The following TBC1D30 variants were observed in gnomAD, a reference collection of about 807,000 sequenced individuals.
TBC1D30 encodes TBC1 domain family, member 30.
TBC1D30 carries 31 observed loss-of-function variants against 63.2 expected under a neutral mutation model. That is an observed-to-expected ratio of 0.49 (90% CI 0.37 to 0.66). The LOEUF (loss-of-function observed/expected upper bound fraction) is 0.66. TBC1D30 is among the 30% of genes least tolerant of loss of function. The probability of loss-of-function intolerance (pLI) is 0.00; values close to 1 mark genes in which losing one functional copy is unlikely to be tolerated. For missense variants in TBC1D30, 810 were observed against 953.6 expected, an observed-to-expected ratio of 0.85 and a Z score of 1.98; for synonymous variants, 307 against 361.5, an observed-to-expected ratio of 0.85 and a Z score of 1.71.
chr12:64,826,372 C>T (rs1592597937), intron 1 of TBC1D30, among the ~76,000 whole-genome samples: 1 of 152,282 alleles, frequency 6.6e-6, no homozygotes, highest in South Asian at 2.1e-4. Flanking sequence ...GCAGGTGCCC[C>T]GGAAAAGTCA....
intron 8 of TBC1D30, among the ~76,000 whole-genome samples, chr12:64,860,036 A>G (rs866458823): frequency 1.4e-5 from 2 of 142,340 alleles, no homozygotes; most frequent in Non-Finnish European, 3.0e-5. Context: ...TTTTTTTTTT[A>G]AAACATGGTC....
intron 1 of TBC1D30, among the ~76,000 whole-genome samples, chr12:64,826,532 A>C (rs905781756): frequency 6.6e-6 from 1 of 151,824 alleles, no homozygotes; most frequent in African/African-American, 2.4e-5. Flanking sequence ...CAGCAACCTC[A>C]CTTGTTTTCA....
intron 1 of TBC1D30, among the ~76,000 whole-genome samples, chr12:64,763,104 C>G (rs766547210): frequency 7.2e-5 from 11 of 151,996 alleles, no homozygotes; most frequent in Non-Finnish European, 1.6e-4. Context: ...TACAGGCATG[C>G]GTCACTATGC....
intron 8 of TBC1D30, 59 bp downstream of exon 8, chr12:64,843,544 C>G: frequency 7.6e-7 from 1 of 1,308,228 alleles, no homozygotes; most frequent in Admixed American, 2.0e-5. Context: ...TGGGAACAAC[C>G]AGTGCCAGAG....
chr12:64,835,260 G>T (rs1875240449), intron 5 of TBC1D30, among the ~76,000 whole-genome samples: 2 of 152,168 alleles, frequency 1.3e-5, no homozygotes, highest in Non-Finnish European at 2.9e-5. Flanking sequence ...AAAGGAGAGG[G>T]TCCTCCTCAA....
At position 64,879,378 on chromosome 12, in the gene TBC1D30, A is replaced by T. The variant is rs1250053309; in HGVS notation, c.*3590A>T. On this transcript the variant is annotated 3_prime_UTR_variant, in exon 12 of 12. Transcript: ENST00000539867. Reference sequence around the variant, plus strand: ...ATAGTAGTAGAGACAGTATCCTGTTACATGTATGTACATAGCCCGAATTAT... The same window carrying T: ...ATAGTAGTAGAGACAGTATCCTGTTTCATGTATGTACATAGCCCGAATTAT... 2.6e-5 allele frequency: 4 copies of T among 152,258 alleles called. No individual in the cohort carries two copies. The highest frequency in any genetic ancestry group is 9.6e-5 in the African/African-American group (4 of 41,478). The allele number at this position is 152,258 out of a possible 1,614,324, so 9.4% of individuals were successfully genotyped here.
At chr12:64,810,009 G>A (rs997567088) in intron 2 of TBC1D30, among the ~76,000 whole-genome samples, 1 of 151,988 alleles carries the variant, frequency 6.6e-6, no homozygotes, top group Non-Finnish European at 1.5e-5. Context: ...CTTTGCAGCT[G>A]ACAGCAACCC....
intron 4 of TBC1D30, among the ~76,000 whole-genome samples, chr12:64,830,793 G>A (rs1874788203): frequency 6.6e-6 from 1 of 152,214 alleles, no homozygotes; most frequent in Non-Finnish European, 1.5e-5. Flanking sequence ...GGTCAATGAT[G>A]CCAACTGGAT....
At chr12:64,863,771 T>A (rs1877986150) in intron 8 of TBC1D30, among the ~76,000 whole-genome samples, 1 of 152,226 alleles carries the variant, frequency 6.6e-6, no homozygotes, top group African/African-American at 2.4e-5. Context: ...AAATTAGACA[T>A]CTTCTAAGCC....
At chr12:64,803,844 T>G (rs1417415724) in intron 2 of TBC1D30, among the ~76,000 whole-genome samples, 2 of 152,250 alleles carry the variant, frequency 1.3e-5, no homozygotes, top group African/African-American at 4.8e-5. Context: ...CTCTGTTCTA[T>G]TCCATTGGTC....
chr12:64,805,664 C>G (rs1446576058), intron 2 of TBC1D30, among the ~76,000 whole-genome samples: 1 of 152,026 alleles, frequency 6.6e-6, no homozygotes, highest in Admixed American at 6.6e-5. Context: ...GAAACCCTGT[C>G]TCTACTAAAA....
exon 1 of TBC1D30, chr12:64,781,086 CAGA>C (rs1202078973): frequency 2.0e-6 from 2 of 1,008,896 alleles, no homozygotes; most frequent in South Asian, 3.8e-5. Flanking sequence ...TACAGCTGCA[CAGA>C]GGAGGAGGAG....
intron 9 of TBC1D30, among the ~76,000 whole-genome samples, chr12:64,866,416 T>G (rs766408098): frequency 7.2e-5 from 11 of 152,126 alleles, no homozygotes; most frequent in African/African-American, 1.4e-4. Flanking sequence ...AGGGAAACTT[T>G]ATAAATCACG....
intron 2 of TBC1D30, among the ~76,000 whole-genome samples, chr12:64,813,922 G>A (rs1273856927): frequency 6.6e-6 from 1 of 152,140 alleles, no homozygotes; most frequent in Non-Finnish European, 1.5e-5. Context: ...CAATGAGTAC[G>A]ACTTAGTTCC....
Position 64,853,673 on chromosome 12 carries a change from G to C in TBC1D30, c.1038+10188G>C, listed in dbSNP as rs1211591650. Among the ~76,000 whole-genome samples, 3 of 152,336 alleles carry C rather than the reference G, an allele frequency of 2.0e-5. No homozygotes were observed. In the East Asian group the frequency reaches 5.8e-4, roughly 29 times the overall value. On this transcript the variant is annotated intron_variant, in intron 8 of 11. Transcript: ENST00000539867. ...GTGGGTTGTGAAGACCATGGGAAAA[G>C]CATAGTATCTGGGCCAGAATGCATC... is the stretch of plus-strand genomic sequence containing the variant.
intron 8 of TBC1D30, among the ~76,000 whole-genome samples, chr12:64,848,325 G>A (rs1391340803): frequency 6.6e-6 from 1 of 151,318 alleles, no homozygotes; most frequent in Non-Finnish European, 1.5e-5. Context: ...TGCAGAATGT[G>A]CAGGTTTGTT....
Position 64,852,769 on chromosome 12 carries a change from T to C in TBC1D30, c.1038+9284T>C, listed in dbSNP as rs571043529. 2.0e-5 allele frequency among the ~76,000 whole-genome samples: 3 copies of C among 152,340 alleles called. No homozygotes were observed. The South Asian group carries it at 6.2e-4, about 32-fold the overall frequency. The stretch of plus-strand genomic sequence containing the variant: ...TCTCTGCTGCATGTCTGCTGGAGTT[T>C]GTTGGAGGTCCACTCCAGACCCTGT... On this transcript the variant is annotated intron_variant, in intron 8 of 11. Transcript: ENST00000539867.
chr12:64,768,688 A>G (rs563261470), intron 1 of TBC1D30: 12 of 152,282 alleles, frequency 7.9e-5, no homozygotes, highest in African/African-American at 2.2e-4. Context: ...TTCATTTTCA[A>G]TTGATGTAGT....
At chr12:64,866,738 C>T in intron 9 of TBC1D30, 26 bp from the exon 10 acceptor site, 1 of 1,529,518 alleles carries the variant, frequency 6.5e-7, no homozygotes, top group Non-Finnish European at 8.7e-7. Context: ...TTGTATATTT[C>T]TTTTTTGTCT....
Sources: gnomAD v4.1 joint callset for allele counts (sites outside exome capture counted in the v4.1 genomes callset) on GRCh38, gnomAD v4.1.1 for gene constraint, MANE v1.5 for transcripts, NCBI Gene and HGNC (gene_info 2026-07-23, HGNC 2026-07-21) for gene names.